Variants in SCN3A observed in about 807,000 individuals in gnomAD.
The protein encoded by SCN3A is sodium voltage-gated channel alpha subunit 3.
A neutral mutation model predicts 187.6 loss-of-function variants in SCN3A; 60 were observed. The ratio of observed to expected loss-of-function variants is 0.32; its 90% CI spans 0.26 to 0.40. The LOEUF (loss-of-function observed/expected upper bound fraction) is 0.40. SCN3A is among the 10% of genes least tolerant of loss of function. The probability of loss-of-function intolerance (pLI) is 1.00; values close to 1 mark genes in which losing one functional copy is unlikely to be tolerated. For synonymous variants in SCN3A, 788 were observed against 829.2 expected (o/e 0.95, Z 0.85); for missense variants, 1,601 against 2,428.2 (o/e 0.66, Z 7.16).
At chr2:165,098,705 C>T (rs1249883249) in intron 22 of SCN3A, among the ~76,000 whole-genome samples, 1 of 152,192 alleles carries the variant, frequency 6.6e-6, no homozygotes, top group Admixed American at 6.5e-5. Context: ...GTTTGGTACA[C>T]ACCACCACAG....
chr2:165,179,502 G>A (rs987096268), intron 2 of SCN3A: 7 of 152,146 alleles, frequency 4.6e-5, no homozygotes, highest in Non-Finnish European at 1.0e-4. Context: ...ATGGAACAAG[G>A]TGCCATCACA....
rs1212441241 is a variant in SCN3A at position 165,176,388 on chromosome 2, G to C, written c.7C>G (p.Gln3Glu). 5.6e-6 allele frequency: 9 copies of C among 1,613,924 alleles called. No individual in the cohort carries two copies. Residue 3 changes from glutamine (Q) to glutamate (E), a missense_variant, in exon 3 of 28, where the codon CAG becomes GAG. Physicochemically the swap from Gln to Glu is conservative, Grantham distance 29 (BLOSUM62 2). Transcript: ENST00000283254. ...GGTCCTGGGGGTACCAACAGTGCCT[G>C]TGCCATCTTTTCATCCTGCACATTT... MA[Q>E]ALLVPPGPES...
chr2:165,096,438 C>T (rs756470511), intron 24 of SCN3A, 29 bp downstream of exon 24: 1 of 1,564,904 alleles, frequency 6.4e-7, no homozygotes, highest in Non-Finnish European at 8.8e-7. Flanking sequence ...AAATCTAGAA[C>T]CTATAAATAA....
chr2:165,130,744 A>C (rs922580856), intron 16 of SCN3A, among the ~76,000 whole-genome samples: 2 of 152,152 alleles, frequency 1.3e-5, no homozygotes. Flanking sequence ...AAAAATTGAA[A>C]AAATACACAT....
chr2:165,151,776 G>A (rs927536732), intron 11 of SCN3A, among the ~76,000 whole-genome samples: 2 of 152,134 alleles, frequency 1.3e-5, no homozygotes. Context: ...TTCCCCTTGA[G>A]TACTGAGAAG....
intron 21 of SCN3A, among the ~76,000 whole-genome samples, chr2:165,107,637 G>A (rs1685926459): frequency 6.6e-6 from 1 of 152,174 alleles, no homozygotes; most frequent in African/African-American, 2.4e-5. Flanking sequence ...ATCACCTTCG[G>A]TGTCATGTGG....
intron 5 of SCN3A, among the ~76,000 whole-genome samples, chr2:165,166,357 C>T (rs1179619441): frequency 6.6e-6 from 1 of 151,054 alleles, no homozygotes; most frequent in Admixed American, 6.6e-5. Flanking sequence ...GTCAGGGGAC[C>T]TTTATCTTTC....
At position 165,140,978 on chromosome 2, in the gene SCN3A, G is replaced by A. The variant is rs372571814; in HGVS notation, c.1692C>T (p.Gly564=). ...SPHQSLLSIR[G]SLFSPRRNSK... ...TATTGCGTCTTGGGGAAAACAGGGA[G>A]CCACGGATACTCAAGAGAGACTGCA... The change falls in exon 13 of 28, where the codon GGC becomes GGT. Residue 564 remains glycine, a synonymous_variant. Coordinates refer to ENST00000283254, the MANE Select transcript of SCN3A (RefSeq NM_006922.4). This position sits in a 1 kb window ranked among gnomAD's most constrained non-coding sequence, Gnocchi z 4.2. 15 of 1,613,762 alleles carry A rather than the reference G, an allele frequency of 9.3e-6. No homozygotes were observed. In the African/African-American group the frequency reaches 2.0e-4, roughly 22 times the overall value.
intron 2 of SCN3A, among the ~76,000 whole-genome samples, chr2:165,180,973 A>C (rs1253472394): frequency 6.6e-6 from 1 of 152,220 alleles, no homozygotes; most frequent in South Asian, 2.1e-4. Flanking sequence ...AAAATGAAAA[A>C]ATGTAAAAAT....
At chr2:165,193,702 G>A (rs1691754099) in intron 1 of SCN3A, among the ~76,000 whole-genome samples, 1 of 152,152 alleles carries the variant, frequency 6.6e-6, no homozygotes, top group Admixed American at 6.5e-5. Flanking sequence ...TTGGCAACCT[G>A]AGGAAAATTG....
At chr2:165,103,476 G>A (rs1019568693) in intron 21 of SCN3A, among the ~76,000 whole-genome samples, 1 of 152,098 alleles carries the variant, frequency 6.6e-6, no homozygotes, top group African/African-American at 2.4e-5. Context: ...TTGCCAATGT[G>A]TGCAAAGTAT....
intron 2 of SCN3A, 120 bp from the exon 3 acceptor site, chr2:165,176,564 A>G (rs1255425794): frequency 1.4e-6 from 1 of 711,148 alleles, no homozygotes; most frequent in African/African-American, 1.8e-5. Flanking sequence ...TCATGCTTTT[A>G]GTACTGCACT....
At chr2:165,196,902 C>G (rs925080943) in intron 1 of SCN3A, among the ~76,000 whole-genome samples, 1 of 151,978 alleles carries the variant, frequency 6.6e-6, no homozygotes, top group South Asian at 2.1e-4. Context: ...TTCGATTATT[C>G]AAGATTTAGT....
intron 1 of SCN3A, among the ~76,000 whole-genome samples, chr2:165,202,261 G>A (rs1692371493): frequency 6.6e-6 from 1 of 152,002 alleles, no homozygotes; most frequent in African/African-American, 2.4e-5. Context: ...CACATGTATA[G>A]ATGAATAACT....
At chr2:165,197,244 A>G (rs1692022129) in intron 1 of SCN3A, among the ~76,000 whole-genome samples, 2 of 152,140 alleles carry the variant, frequency 1.3e-5, no homozygotes, top group Non-Finnish European at 2.9e-5. Flanking sequence ...CTTTGAAATT[A>G]TTTTGAAAAG....
At chr2:165,111,628 C>A (rs1686123339) in intron 21 of SCN3A, among the ~76,000 whole-genome samples, 1 of 151,932 alleles carries the variant, frequency 6.6e-6, no homozygotes. Flanking sequence ...AATTTGGACA[C>A]GTATCAACTT....
At chr2:165,104,434 T>C (rs967294288) in intron 21 of SCN3A, among the ~76,000 whole-genome samples, 1 of 151,578 alleles carries the variant, frequency 6.6e-6, no homozygotes, top group Non-Finnish European at 1.5e-5. Context: ...AAAAAAATAA[T>C]ACTAGAGCCT....
intron 1 of SCN3A, among the ~76,000 whole-genome samples, chr2:165,195,832 T>C (rs1293711432): frequency 6.6e-6 from 1 of 152,142 alleles, no homozygotes; most frequent in East Asian, 1.9e-4. Context: ...ATCTTAACTC[T>C]AGTGTTTATT....
intron 1 of SCN3A, among the ~76,000 whole-genome samples, chr2:165,192,443 G>A (rs910121166): frequency 3.4e-4 from 51 of 152,092 alleles, no homozygotes; most frequent in African/African-American, 1.2e-3. Flanking sequence ...CATGATTGTT[G>A]TTTGTATTTT....
Sources: gnomAD v4.1 joint callset for allele counts (sites outside exome capture counted in the v4.1 genomes callset) on GRCh38, gnomAD v4.1.1 for gene constraint, Gnocchi (gnomAD v3.1) non-coding constraint, MANE v1.5 for transcripts, NCBI Gene and HGNC (gene_info 2026-07-23, HGNC 2026-07-21) for gene names.